The following ATP2B1 variants were observed in gnomAD, a reference collection of about 807,000 sequenced individuals.
The protein encoded by ATP2B1 is plasma membrane calcium-transporting ATPase 1.
Under a neutral mutation model 124.2 loss-of-function variants are expected in ATP2B1, and 14 were observed. The observed-to-expected ratio is 0.11, with a 90% CI of 0.07 to 0.18. The LOEUF (loss-of-function observed/expected upper bound fraction) is 0.18, where lower values mean the gene tolerates loss of function less well. Among genes scored for constraint, ATP2B1 ranks in the 10% least tolerant of loss-of-function variants. ATP2B1 has a pLI of 1.00. For synonymous variants in ATP2B1, 449 were observed against 492.4 expected (o/e 0.91, Z 1.17); for missense variants, 763 against 1,466.1 (o/e 0.52, Z 7.83).
intron 9 of ATP2B1, among the ~76,000 whole-genome samples, chr12:89,623,963 T>C (rs1027469692): frequency 6.6e-6 from 1 of 152,198 alleles, no homozygotes; most frequent in Non-Finnish European, 1.5e-5. Flanking sequence ...TGCTTAGTAT[T>C]GTGTCAAGGC....
At chr12:89,614,809 A>C (rs947008139) in intron 12 of ATP2B1, among the ~76,000 whole-genome samples, 1 of 152,058 alleles carries the variant, frequency 6.6e-6, no homozygotes. Context: ...TACTGGTTCT[A>C]TCTCCACTTA....
intron 15 of ATP2B1, among the ~76,000 whole-genome samples, chr12:89,605,641 G>A (rs185928071): frequency 7.7e-4 from 117 of 152,230 alleles, no homozygotes; most frequent in African/African-American, 2.6e-3. Context: ...AATGGACAAA[G>A]ACAAACCCTT....
At chr12:89,681,129 A>C (rs985110646) in intron 1 of ATP2B1, among the ~76,000 whole-genome samples, 1 of 152,206 alleles carries the variant, frequency 6.6e-6, no homozygotes, top group African/African-American at 2.4e-5. Flanking sequence ...GTAGGACTAA[A>C]ACTAAAGTGG....
chr12:89,674,459 T>C (rs978063981), intron 1 of ATP2B1, among the ~76,000 whole-genome samples: 8 of 152,026 alleles, frequency 5.3e-5, no homozygotes, highest in African/African-American at 1.4e-4. Context: ...CTTGTACCTA[T>C]ACTAGCAAAC....
At chr12:89,618,518 G>C (rs1284645637) in intron 11 of ATP2B1, among the ~76,000 whole-genome samples, 2 of 152,120 alleles carry the variant, frequency 1.3e-5, no homozygotes, top group Admixed American at 6.5e-5. Flanking sequence ...AGCAAGCCAG[G>C]GTTGAAACAG....
chr12:89,617,511 AT>A (rs1235371270), intron 11 of ATP2B1, among the ~76,000 whole-genome samples: 40 of 152,346 alleles, frequency 2.6e-4, no homozygotes, highest in African/African-American at 8.7e-4. Context: ...AAGAAAAAAA[AT>A]AACTTATTGT....
chr12:89,686,789 C>A (rs1565915354), intron 1 of ATP2B1, among the ~76,000 whole-genome samples: 1 of 152,010 alleles, frequency 6.6e-6, no homozygotes, highest in Non-Finnish European at 1.5e-5. Flanking sequence ...TGCACAGATG[C>A]ACATAAATTT....
intron 1 of ATP2B1, among the ~76,000 whole-genome samples, chr12:89,708,217 G>C (rs1171689808): frequency 6.6e-6 from 1 of 152,126 alleles, no homozygotes; most frequent in Non-Finnish European, 1.5e-5. Context: ...AGGTCACCAC[G>C]CGCCGTGGCG....
intron 3 of ATP2B1, among the ~76,000 whole-genome samples, chr12:89,636,851 T>A (rs1279412256): frequency 6.6e-6 from 1 of 152,212 alleles, no homozygotes; most frequent in East Asian, 1.9e-4. Flanking sequence ...ATTTTAATTA[T>A]TTTCAAGCTC....
intron 1 of ATP2B1, among the ~76,000 whole-genome samples, chr12:89,664,935 T>C (rs1302380329): frequency 6.6e-6 from 1 of 151,794 alleles, no homozygotes; most frequent in Non-Finnish European, 1.5e-5. Flanking sequence ...CTCCGCCTCC[T>C]GGGTTCAAGC....
At chr12:89,630,395 T>C (rs1326158637) in intron 6 of ATP2B1, 110 bp downstream of exon 6, 2 of 1,054,998 alleles carry the variant, frequency 1.9e-6, no homozygotes, top group African/African-American at 3.3e-5. Flanking sequence ...AATCTTCTTT[T>C]AACTTTTTGT....
At chr12:89,675,468 T>C (rs1268431053) in intron 1 of ATP2B1, among the ~76,000 whole-genome samples, 3 of 152,236 alleles carry the variant, frequency 2.0e-5, no homozygotes, top group South Asian at 4.1e-4. Flanking sequence ...CTTTAAAAAT[T>C]ATTATTTTGA....
intron 20 of ATP2B1, among the ~76,000 whole-genome samples, chr12:89,595,225 G>A (rs1874352581): frequency 6.6e-6 from 1 of 152,012 alleles, no homozygotes; most frequent in African/African-American, 2.4e-5. Flanking sequence ...CTGCATTCCA[G>A]TAACAACTTA....
At chr12:89,704,730 G>A (rs189570664) in intron 1 of ATP2B1, among the ~76,000 whole-genome samples, 121 of 152,248 alleles carry the variant, frequency 7.9e-4, no homozygotes, top group African/African-American at 2.8e-3. Context: ...CTGTAAAGTA[G>A]TTAATAATAA....
At chr12:89,592,777 A>G (rs1171443731) in intron 20 of ATP2B1, among the ~76,000 whole-genome samples, 4 of 152,066 alleles carry the variant, frequency 2.6e-5, no homozygotes, top group African/African-American at 9.7e-5. Flanking sequence ...AACTTAAAAC[A>G]ATGTTAGGTC....
At chr12:89,639,745 G>A in intron 3 of ATP2B1, among the ~76,000 whole-genome samples, 1 of 151,978 alleles carries the variant, frequency 6.6e-6, no homozygotes, top group East Asian at 1.9e-4. Context: ...TTTAATACCT[G>A]TATCTCCTTT....
rs181476145 is a variant in ATP2B1, at chr12:89,688,480, G to C, written c.-222+20116C>G. Among the ~76,000 whole-genome samples the C allele has an allele frequency of 2.5e-3, 375 of 152,110 alleles. 4 individuals carry two copies. Among genetic ancestry groups the C allele is most frequent in the African/African-American group, 7.0e-3 (291 of 41,504 alleles). Reference sequence around the variant, plus strand: ...ATGAAACTATTTTATCCTAAGTCTTGCTCATTTAGCACTATGATAAATGGA... The same window carrying C: ...ATGAAACTATTTTATCCTAAGTCTTCCTCATTTAGCACTATGATAAATGGA... On this transcript the variant is annotated intron_variant, in intron 1 of 20. Transcript: ENST00000428670.
chr12:89,708,235 C>A (rs1189958341), intron 1 of ATP2B1, among the ~76,000 whole-genome samples: 3 of 152,114 alleles, frequency 2.0e-5, no homozygotes, highest in Non-Finnish European at 4.4e-5. Context: ...GCGGGGGCGA[C>A]CGGTGGCGGG....
intron 13 of ATP2B1, 74 bp downstream of exon 13, chr12:89,611,119 A>C: frequency 2.2e-6 from 3 of 1,359,870 alleles, no homozygotes; most frequent in Non-Finnish European, 3.0e-6. Flanking sequence ...CATATTCAAT[A>C]TGTGTTTGTT....
Sources: gnomAD v4.1 joint callset for allele counts (sites outside exome capture counted in the v4.1 genomes callset) on GRCh38, gnomAD v4.1.1 for gene constraint, MANE v1.5 for transcripts, NCBI Gene and HGNC (gene_info 2026-07-23, HGNC 2026-07-21) for gene names.